The following ANKRD12 variants were observed in gnomAD, a reference collection of about 807,000 sequenced individuals.
ANKRD12 encodes the protein ankyrin repeat domain-containing protein 12.
In ANKRD12, 85 loss-of-function variants were observed where a neutral mutation model predicts 183.4. The ratio of observed to expected loss-of-function variants is 0.46; its 90% CI spans 0.39 to 0.56. The LOEUF (loss-of-function observed/expected upper bound fraction) is 0.56. ANKRD12 is among the 20% of genes least tolerant of loss of function. ANKRD12 has a pLI of 0.00. For missense variants in ANKRD12, 2,405 were observed against 2,357.1 expected (o/e 1.02, Z -0.42); for synonymous variants, 914 against 800.2 (o/e 1.14, Z -2.40).
chr18:9,250,915 T>C (rs4356535), intron 8 of ANKRD12, among the ~76,000 whole-genome samples: 11,228 of 152,254 alleles, frequency 0.074, 421 homozygotes, highest in African/African-American at 0.083. Flanking sequence ...AGTTGAATGT[T>C]TTTAGTCTTG....
At chr18:9,179,360 A>G (rs1470101777) in intron 1 of ANKRD12, among the ~76,000 whole-genome samples, 1 of 152,198 alleles carries the variant, frequency 6.6e-6, no homozygotes, top group Non-Finnish European at 1.5e-5. Flanking sequence ...TGTTGATCTT[A>G]GAAGAGAAAG....
intron 2 of ANKRD12, among the ~76,000 whole-genome samples, chr18:9,193,156 G>A (rs1394049549): frequency 7.9e-6 from 1 of 127,108 alleles, no homozygotes; most frequent in African/African-American, 3.2e-5. Context: ...TTTTTTTTTG[G>A]ATACAGGATC....
At chr18:9,268,354 T>C (rs1404455479) in intron 10 of ANKRD12, among the ~76,000 whole-genome samples, 1 of 152,116 alleles carries the variant, frequency 6.6e-6, no homozygotes, top group Non-Finnish European at 1.5e-5. Flanking sequence ...CTGATGAACA[T>C]CGATGCAAAA....
chr18:9,240,525 C>A (rs1332847247), intron 8 of ANKRD12, among the ~76,000 whole-genome samples: 2 of 152,178 alleles, frequency 1.3e-5, no homozygotes. Flanking sequence ...CTTACTGACA[C>A]TCATTAATTG....
chr18:9,204,551 A>G lies in ANKRD12; in HGVS notation c.304+7A>G. On this transcript the variant is annotated splice_region_variant and intron_variant, in intron 4 of 12. Coordinates refer to ENST00000262126, the MANE Select transcript of ANKRD12 (RefSeq NM_015208.5). Reference sequence around the variant, plus strand: ...TCTTACAGGACATACTCAGGTAATTAGATTATCAGGTGTTCCTGTTTAGCC... The same window carrying G: ...TCTTACAGGACATACTCAGGTAATTGGATTATCAGGTGTTCCTGTTTAGCC... 6.4e-7 allele frequency: 1 copy of G among 1,566,326 alleles called. No homozygotes were observed. The highest frequency in any genetic ancestry group is 8.7e-7 in the Non-Finnish European group (1 of 1,148,892).
Position 9,232,033 on chromosome 18 carries a change from C to T in ANKRD12, c.943+10034C>T, listed in dbSNP as rs148517621. ...TGTGTCTATTAAGTGGAGAATTTAA[C>T]CCATTTATATTCAATTTTATTGATA... On this transcript the variant is annotated intron_variant, in intron 8 of 12. Coordinates refer to ENST00000262126, the MANE Select transcript of ANKRD12 (RefSeq NM_015208.5). 6.3e-3 allele frequency among the ~76,000 whole-genome samples: 964 copies of T among 152,044 alleles called. 7 individuals carry two copies. Among genetic ancestry groups the T allele is most frequent in the Middle Eastern group, 0.017 (5 of 292 alleles).
Position 9,221,836 on chromosome 18 carries a change from C to G in ANKRD12, c.796-16C>G. The G allele has an allele frequency of 6.2e-7, 1 of 1,612,830 alleles. No individual in the cohort carries two copies. On this transcript the variant is annotated splice_polypyrimidine_tract_variant and intron_variant, in intron 7 of 12. Transcript: ENST00000262126. ...TCTGTGAAGGGACTAAGTCTTCCTG[C>G]TTTTTATTGTTGCAGATAGTAAAGC...
At chr18:9,206,575 A>T (rs893368325) in intron 4 of ANKRD12, among the ~76,000 whole-genome samples, 2 of 152,050 alleles carry the variant, frequency 1.3e-5, no homozygotes, top group Non-Finnish European at 2.9e-5. Flanking sequence ...CTGTTTTCTT[A>T]CTTTGCTGTC....
intron 5 of ANKRD12, among the ~76,000 whole-genome samples, chr18:9,210,366 G>T (rs1035507829): frequency 2.6e-5 from 4 of 152,032 alleles, no homozygotes; most frequent in Non-Finnish European, 5.9e-5. Context: ...TTTTCTTTGG[G>T]AGTGTAAATT....
At chr18:9,260,224 G>A (rs1019708442) in intron 9 of ANKRD12, 1 of 152,042 alleles carries the variant, frequency 6.6e-6, no homozygotes, top group African/African-American at 2.4e-5. Flanking sequence ...TCACATTTAT[G>A]TAATCCAATT....
At chr18:9,199,202 G>A (rs1026388773) in intron 3 of ANKRD12, among the ~76,000 whole-genome samples, 3 of 152,156 alleles carry the variant, frequency 2.0e-5, no homozygotes, top group African/African-American at 7.2e-5. Flanking sequence ...GCTGATGCAT[G>A]AGTATTGCTT....
intron 3 of ANKRD12, 119 bp from the exon 4 acceptor site, chr18:9,204,356 CT>C: frequency 1.4e-6 from 1 of 719,946 alleles, no homozygotes; most frequent in Non-Finnish European, 2.3e-6. Flanking sequence ...TAAAAATAAT[CT>C]TTTGGCAAAA....
chr18:9,258,414 T>A lies in ANKRD12; in HGVS notation c.5147T>A (p.Val1716Glu). 1.9e-6 allele frequency: 3 copies of A among 1,613,692 alleles called. No homozygotes were observed. The East Asian group carries it at 6.7e-5, about 36-fold the overall frequency. ...CATAAATATGGTCAGTTAGTTAAAGTAGAATTAGAAGAAAATGCCGAAGAT... is the reference window on the plus strand; with the variant it reads ...CATAAATATGGTCAGTTAGTTAAAGAAGAATTAGAAGAAAATGCCGAAGAT... ...EMHKYGQLVK[V>E]ELEENAEDDK... Residue 1716 changes from valine to glutamate, a missense_variant, in exon 9 of 13, where the codon GTA becomes GAA. This residue lies in a region of ANKRD12 where 1,983 missense variants were observed against 1,725.9 expected (regional missense o/e 1.15). Coordinates refer to ENST00000262126, the MANE Select transcript of ANKRD12 (RefSeq NM_015208.5).
Position 9,256,350 on chromosome 18 carries a change from A to G in ANKRD12, c.3083A>G (p.Lys1028Arg). ...AAAGATAAAGATATAGATAGATACA[A>G]AGAACGAGACAAACATAAAGATAAA... ...DKKDKDIDRY[K>R]ERDKHKDKIQ... is the part of the protein sequence containing the mutation. The change falls in exon 9 of 13, where the codon AAA becomes AGA. Residue 1028 changes from lysine to arginine, a missense_variant. Lys to Arg is a conservative substitution (Grantham distance 26). This residue lies in a region of ANKRD12 where 1,983 missense variants were observed against 1,725.9 expected (regional missense o/e 1.15). Coordinates refer to ENST00000262126, the MANE Select transcript of ANKRD12 (RefSeq NM_015208.5). The G allele has an allele frequency of 6.3e-7, 1 of 1,595,150 alleles. No individual in the cohort carries two copies. Among genetic ancestry groups the G allele is most frequent in the Non-Finnish European group, 8.5e-7 (1 of 1,171,722 alleles).
At chr18:9,187,711 T>C (rs1464670491) in intron 2 of ANKRD12, among the ~76,000 whole-genome samples, 1 of 152,226 alleles carries the variant, frequency 6.6e-6, no homozygotes, top group Non-Finnish European at 1.5e-5. Flanking sequence ...AGTTTAGAAA[T>C]GTCTCCACTA....
chr18:9,232,716 C>G (rs2144885844), intron 8 of ANKRD12, among the ~76,000 whole-genome samples: 1 of 152,144 alleles, frequency 6.6e-6, no homozygotes, highest in Admixed American at 6.5e-5. Context: ...CCCTTTTGTT[C>G]TCATCTCACC....
chr18:9,198,588 C>T (rs1191072938), intron 3 of ANKRD12, among the ~76,000 whole-genome samples: 1 of 152,134 alleles, frequency 6.6e-6, no homozygotes, highest in African/African-American at 2.4e-5. Context: ...GTCACTCTGT[C>T]GCCCAGGCTG....
intron 11 of ANKRD12, among the ~76,000 whole-genome samples, chr18:9,276,804 TTG>T (rs1187365352): frequency 1.3e-5 from 2 of 152,158 alleles, no homozygotes; most frequent in Non-Finnish European, 2.9e-5. Context: ...ACATGAATAA[TTG>T]TGTCTCTTCA....
In ANKRD12 at chr18:9,256,609, C is replaced by G. The variant is rs1324318078; in HGVS notation, c.3342C>G (p.Asn1114Lys). The change falls in exon 9 of 13, where the codon AAC (asparagine) becomes AAG (lysine). Residue 1114 changes from asparagine (N) to lysine (K), a missense_variant. Around this residue, in one of 7 missense-constraint regions of ANKRD12, gnomAD observed 1,983 missense variants for 1,725.9 expected, o/e 1.15. Transcript: ENST00000262126. ...QKEKERLRNRNCLELKIKDKE... is the reference protein window; with the variant it reads ...QKEKERLRNRKCLELKIKDKE... ...AAAAGGAACGGTTGAGAAACCGAAA[C>G]TGTTTAGAACTTAAAATAAAAGATA... is the stretch of plus-strand genomic sequence containing the variant. 2 of 1,601,298 alleles carry G rather than the reference C, an allele frequency of 1.2e-6. No homozygotes were observed. Among genetic ancestry groups the G allele is most frequent in the East Asian group, 2.2e-5 (1 of 44,810 alleles).
Sources: allele counts gnomAD v4.1 joint callset (sites outside exome capture counted in the v4.1 genomes callset), GRCh38; gene constraint gnomAD v4.1.1; regional missense constraint gnomAD v4.1.1; transcripts MANE v1.5; gene names NCBI Gene and HGNC (gene_info 2026-07-23, HGNC 2026-07-21).